The following DAB1 variants were observed in gnomAD, a reference collection of about 807,000 sequenced individuals.
DAB1 encodes the protein DAB adaptor protein 1, also known as disabled homolog 1.
In DAB1, 15 loss-of-function variants were observed where a neutral mutation model predicts 64.6. That is an observed-to-expected ratio of 0.23 (90% CI 0.16 to 0.36). DAB1 has a LOEUF of 0.36. DAB1 is among the 10% of genes least tolerant of loss of function. DAB1 has a pLI of 1.00. For missense variants in DAB1, 596 were observed against 706.7 expected, an observed-to-expected ratio of 0.84 and a Z score of 1.78; for synonymous variants, 235 against 251.9, an observed-to-expected ratio of 0.93 and a Z score of 0.64.
chr1:58,154,094 G>T (rs1436428397), intron 4 of DAB1, among the ~76,000 whole-genome samples: 2 of 151,694 alleles, frequency 1.3e-5, no homozygotes, highest in Non-Finnish European at 2.9e-5. Flanking sequence ...TGTTATCCCT[G>T]ATCCATCACC....
intron 7 of DAB1, among the ~76,000 whole-genome samples, chr1:57,570,502 T>C (rs1645181486): frequency 6.6e-6 from 1 of 152,170 alleles, no homozygotes; most frequent in African/African-American, 2.4e-5. Flanking sequence ...TTGGCTTTAT[T>C]CTGGGTTCTC....
intron 1 of DAB1, among the ~76,000 whole-genome samples, chr1:58,533,504 CAT>C (rs74693254): frequency 3.9e-5 from 6 of 152,016 alleles, no homozygotes; most frequent in Non-Finnish European, 8.8e-5. Flanking sequence ...ATTAATTACA[CAT>C]GACACATCAT....
chr1:57,207,465 A>C (rs1305437637), intron 2 of DAB1, among the ~76,000 whole-genome samples: 1 of 38,372 alleles, frequency 2.6e-5, no homozygotes, highest in Non-Finnish European at 6.4e-5. Flanking sequence ...TTTTTTTGAG[A>C]TGGAGTCTCG....
chr1:57,300,927 T>C (rs572691463), intron 1 of DAB1, among the ~76,000 whole-genome samples: 1 of 152,124 alleles, frequency 6.6e-6, no homozygotes, highest in South Asian at 2.1e-4. Context: ...CACAGTGGGA[T>C]AACAGGGGAG....
chr1:57,009,670 A>C (rs1011332135), intron 14 of DAB1, among the ~76,000 whole-genome samples: 1 of 152,202 alleles, frequency 6.6e-6, no homozygotes, highest in Non-Finnish European at 1.5e-5. Context: ...ATGGCCTTGC[A>C]GTCCTGTGTG....
chr1:57,994,283 T>C (rs1335147889), intron 5 of DAB1, among the ~76,000 whole-genome samples: 1 of 152,222 alleles, frequency 6.6e-6, no homozygotes, highest in African/African-American at 2.4e-5. Context: ...TGAGGACTTT[T>C]ATTTTACTTT....
chr1:57,232,248 C>G (rs1204622641), intron 2 of DAB1, among the ~76,000 whole-genome samples: 1 of 149,128 alleles, frequency 6.7e-6, no homozygotes, highest in Non-Finnish European at 1.5e-5. Flanking sequence ...ATTATTATTC[C>G]TGCACCACCA....
At chr1:57,079,688 C>A (rs979739685) in intron 4 of DAB1, among the ~76,000 whole-genome samples, 1 of 152,192 alleles carries the variant, frequency 6.6e-6, no homozygotes, top group Non-Finnish European at 1.5e-5. Flanking sequence ...TTCCCCACCA[C>A]CTTGGTGTTT....
chr1:58,168,058 T>C (rs969653164), intron 4 of DAB1, among the ~76,000 whole-genome samples: 1 of 152,176 alleles, frequency 6.6e-6, no homozygotes, highest in Admixed American at 6.5e-5. Context: ...TGGACCCCTT[T>C]CACTTGCTAT....
chr1:58,331,917 T>C (rs1376420410), intron 4 of DAB1, among the ~76,000 whole-genome samples: 1 of 152,168 alleles, frequency 6.6e-6, no homozygotes. Flanking sequence ...ATGGAACGCA[T>C]CTCTTCCATT....
intron 5 of DAB1, among the ~76,000 whole-genome samples, chr1:58,063,520 A>C (rs111887394): frequency 6.6e-6 from 1 of 152,186 alleles, no homozygotes; most frequent in East Asian, 1.9e-4. Context: ...AATTAAGCTC[A>C]TGGAGTAGAA....
chr1:57,968,725 T>C (rs1331584904), intron 5 of DAB1, among the ~76,000 whole-genome samples: 4 of 152,170 alleles, frequency 2.6e-5, no homozygotes, highest in Non-Finnish European at 5.9e-5. Flanking sequence ...ATTTGCCAAA[T>C]ACCTATTACA....
chr1:58,541,011 T>C (rs1277107365), intron 1 of DAB1, among the ~76,000 whole-genome samples: 9 of 151,964 alleles, frequency 5.9e-5, no homozygotes, highest in Admixed American at 6.5e-5. Context: ...TATAAATTCA[T>C]TGAAAAACAC....
chr1:58,515,394 A>G (rs1234257669), intron 2 of DAB1, among the ~76,000 whole-genome samples: 1 of 152,172 alleles, frequency 6.6e-6, no homozygotes, highest in African/African-American at 2.4e-5. Flanking sequence ...GATTGCCAGC[A>G]GGTCATTTCA....
chr1:57,781,767 T>A (rs975475481), intron 6 of DAB1, among the ~76,000 whole-genome samples: 38 of 151,094 alleles, frequency 2.5e-4, no homozygotes, highest in Middle Eastern at 3.5e-3. Context: ...CTGATTAAAT[T>A]GGGCAAATTA....
At chr1:58,280,565 C>G (rs1294307513) in intron 4 of DAB1, among the ~76,000 whole-genome samples, 2 of 152,170 alleles carry the variant, frequency 1.3e-5, no homozygotes, top group East Asian at 3.9e-4. Flanking sequence ...TTGGTAATTA[C>G]CCAATTTCTG....
intron 3 of DAB1, among the ~76,000 whole-genome samples, chr1:58,392,274 C>T (rs1254215661): frequency 1.3e-5 from 2 of 152,206 alleles, no homozygotes; most frequent in Admixed American, 6.5e-5. Flanking sequence ...CCTCTCACCA[C>T]GTTTAACCAC....
At position 57,325,335 on chromosome 1, in the gene DAB1, T is replaced by C. The variant is rs1676068594; in HGVS notation, c.-136-34169A>G. 2.0e-5 allele frequency among the ~76,000 whole-genome samples: 3 copies of C among 152,196 alleles called. No individual in the cohort carries two copies. The South Asian group carries it at 6.2e-4, about 32-fold the overall frequency. On this transcript the variant is annotated intron_variant, in intron 1 of 14. Transcript: ENST00000371236. ...TGGTCATCGGTGTTGGTAAGCATGCTTTACACAATGGGGCAGAGGACGAAA... is the reference window on the plus strand; with the variant it reads ...TGGTCATCGGTGTTGGTAAGCATGCCTTACACAATGGGGCAGAGGACGAAA...
chr1:58,207,074 G>A (rs1372944362), intron 4 of DAB1, among the ~76,000 whole-genome samples: 2 of 152,130 alleles, frequency 1.3e-5, no homozygotes, highest in Non-Finnish European at 2.9e-5. Flanking sequence ...CATCTCAGCG[G>A]AGGCTCCAAA....
Sources: allele counts gnomAD v4.1 joint callset (sites outside exome capture counted in the v4.1 genomes callset), GRCh38; gene constraint gnomAD v4.1.1; transcripts MANE v1.5; gene names NCBI Gene and HGNC (gene_info 2026-07-23, HGNC 2026-07-21).